The following TRMT11 variants were observed in gnomAD, a reference collection of about 807,000 sequenced individuals.
TRMT11 encodes tRNA methyltransferase 11.
Under a neutral mutation model 62.8 loss-of-function variants are expected in TRMT11, and 53 were observed. The ratio of observed to expected loss-of-function variants is 0.84; its 90% confidence interval spans 0.68 to 1.06. TRMT11 has a LOEUF of 1.06. Ranked by LOEUF, TRMT11 falls within the 50% of genes least tolerant of loss-of-function variation. TRMT11 has a pLI of 0.00. For synonymous variants in TRMT11, 188 were observed against 190.3 expected (o/e 0.99, Z 0.10); for missense variants, 556 against 553.4 (o/e 1.00, Z -0.05).
the TRMT11 span, among the ~76,000 whole-genome samples, chr6:126,222,508 T>C: frequency 2.6e-5 from 4 of 152,152 alleles, no homozygotes; most frequent in African/African-American, 4.8e-5. Flanking sequence ...TCTTGAGCAG[T>C]TTTATAATTT....
At chr6:126,254,127 T>C in the TRMT11 span, among the ~76,000 whole-genome samples, 6 of 152,198 alleles carry the variant, frequency 3.9e-5, no homozygotes, top group Non-Finnish European at 8.8e-5. Context: ...GCCAGCTCCA[T>C]TGTAGCATCC....
At chr6:126,134,373 T>G (rs1479915973) in intron 21 of TRMT11, among the ~76,000 whole-genome samples, 1 of 150,490 alleles carries the variant, frequency 6.6e-6, no homozygotes, top group Non-Finnish European at 1.5e-5. Flanking sequence ...TAAAATAGAG[T>G]TTAAGTCAAA....
the TRMT11 span, among the ~76,000 whole-genome samples, chr6:126,245,901 C>T: frequency 1.3e-5 from 2 of 151,908 alleles, no homozygotes; most frequent in East Asian, 3.9e-4. Context: ...AGTTCAAGAC[C>T]AGCTTAGGCA....
chr6:126,187,118 G>A (rs548116796), intron 1 of TRMT11, among the ~76,000 whole-genome samples: 12 of 151,988 alleles, frequency 7.9e-5, no homozygotes, highest in African/African-American at 2.9e-4. Flanking sequence ...GTCCTAGCCA[G>A]TACAATAAGG....
chr6:126,049,376 G>T (rs183962800), intron 16 of TRMT11, among the ~76,000 whole-genome samples: 52 of 152,342 alleles, frequency 3.4e-4, no homozygotes, highest in African/African-American at 1.2e-3. Context: ...TATTATTGAT[G>T]TTGAAGCAGG....
chr6:126,191,797 T>G (rs9482723), intron 1 of TRMT11, among the ~76,000 whole-genome samples: 19,521 of 152,022 alleles, frequency 0.13, 4,155 homozygotes, highest in African/African-American at 0.44. Context: ...TGTTCCATTG[T>G]TTTATGTGTC....
At chr6:126,203,981 T>C (rs1339195810), downstream of TRMT11, among the ~76,000 whole-genome samples, 1 of 151,552 alleles carries the variant, frequency 6.6e-6, no homozygotes, top group Non-Finnish European at 1.5e-5. Flanking sequence ...TTTTCAATAA[T>C]GACTTTGTAG....
chr6:126,019,937 G>T (rs1010306380), intron 11 of TRMT11, among the ~76,000 whole-genome samples: 4 of 152,170 alleles, frequency 2.6e-5, no homozygotes, highest in African/African-American at 9.7e-5. Flanking sequence ...TTGTTAGAAA[G>T]CTCTAGGAAG....
At chr6:126,192,606 G>C (rs191768617) in intron 1 of TRMT11, among the ~76,000 whole-genome samples, 39 of 152,098 alleles carry the variant, frequency 2.6e-4, no homozygotes, top group African/African-American at 9.4e-4. Context: ...ATTGGGTTGA[G>C]GTATGCTCCT....
chr6:126,144,303 C>G (rs1777951537), intron 21 of TRMT11, among the ~76,000 whole-genome samples: 1 of 152,094 alleles, frequency 6.6e-6, no homozygotes, highest in Non-Finnish European at 1.5e-5. Flanking sequence ...GGCTAACATC[C>G]AAATTGGAGG....
At chr6:126,113,924 A>G (rs1777560271) in intron 18 of TRMT11, among the ~76,000 whole-genome samples, 1 of 152,078 alleles carries the variant, frequency 6.6e-6, no homozygotes, top group Admixed American at 6.6e-5. Flanking sequence ...ACTCGCAGGC[A>G]ATGTCAATGC....
At chr6:126,193,653 T>C (rs1778631497) in intron 1 of TRMT11, among the ~76,000 whole-genome samples, 1 of 151,590 alleles carries the variant, frequency 6.6e-6, no homozygotes, top group Non-Finnish European at 1.5e-5. Flanking sequence ...CCACCACGCC[T>C]GGCTAATTTT....
At chr6:126,048,229 T>C (rs934457129) in intron 16 of TRMT11, among the ~76,000 whole-genome samples, 1 of 152,206 alleles carries the variant, frequency 6.6e-6, no homozygotes, top group South Asian at 2.1e-4. Context: ...CAGTGCCATT[T>C]CAATGGACTG....
intron 17 of TRMT11, among the ~76,000 whole-genome samples, chr6:126,079,324 T>C (rs929236504): frequency 1.3e-4 from 20 of 152,300 alleles, no homozygotes; most frequent in Admixed American, 1.0e-3. Context: ...TCTTGTGAGC[T>C]GGAGTGAGCT....
At chr6:126,249,010 C>T in the TRMT11 span, among the ~76,000 whole-genome samples, 671 of 152,074 alleles carry the variant, frequency 4.4e-3, 2 homozygotes, top group African/African-American at 0.014. Flanking sequence ...TTTTAAATGC[C>T]AGTTTTCAAT....
At chr6:126,060,329 A>G (rs2128125207) in intron 17 of TRMT11, among the ~76,000 whole-genome samples, 1 of 152,328 alleles carries the variant, frequency 6.6e-6, no homozygotes. Context: ...TACAGTCTCT[A>G]AAAATAATGT....
In TRMT11 at chr6:126,082,419, A is replaced by C. The variant is rs1419186010; in HGVS notation, c.*1437+29229A>C. 2.0e-5 allele frequency among the ~76,000 whole-genome samples: 3 copies of C among 152,246 alleles called. No homozygotes were observed. In the East Asian group the frequency reaches 5.8e-4, roughly 29 times the overall value. On this transcript the variant is annotated intron_variant and NMD_transcript_variant, in intron 17 of 22. Transcript: ENST00000648977. The stretch of plus-strand genomic sequence containing the variant: ...GTGCACTATAATATACATGTGTAAT[A>C]ATGTAATAGCAATGGACCATTCACT...
chr6:126,027,143 A>G (rs1034497023), intron 12 of TRMT11, among the ~76,000 whole-genome samples: 1 of 152,084 alleles, frequency 6.6e-6, no homozygotes, highest in African/African-American at 2.4e-5. Context: ...ACTTAACACA[A>G]CGTGTAGTTG....
Position 125,998,597 on chromosome 6 carries a change from G to T in TRMT11, c.435G>T (p.Pro145=), listed in dbSNP as rs186317882. ...AAGGAAAAGTGAATTTAAAGAAACC[G>T]CAACATGTATTTTCTGTTTTGGAGG... ...PFEGKVNLKK[P]QHVFSVLEDY... Residue 145 remains proline (P), a synonymous_variant, in exon 6 of 13, where the codon CCG becomes CCT. Transcript: ENST00000334379. 7.4e-6 allele frequency: 12 copies of T among 1,613,112 alleles called. No homozygotes were observed. Among genetic ancestry groups the T allele is most frequent in the Admixed American group, 1.7e-5 (1 of 59,926 alleles).
Sources: allele counts gnomAD v4.1 joint callset (sites outside exome capture counted in the v4.1 genomes callset), GRCh38; gene constraint gnomAD v4.1.1; transcripts MANE v1.5; gene names NCBI Gene and HGNC (gene_info 2026-07-23, HGNC 2026-07-21).